RIF1: variants seen among roughly 807,000 people sequenced by gnomAD.
The protein encoded by RIF1 is replication timing regulatory factor 1.
Under a neutral mutation model 247.1 loss-of-function variants are expected in RIF1, and 45 were observed. That is an observed-to-expected ratio of 0.18 (90% CI 0.14 to 0.23). The LOEUF (loss-of-function observed/expected upper bound fraction) is 0.23. RIF1 is among the 10% of genes least tolerant of loss of function. RIF1 has a pLI of 1.00. For missense variants in RIF1, 2,967 were observed against 2,862.5 expected, an observed-to-expected ratio of 1.04 and a Z score of -0.83; for synonymous variants, 1,087 against 978.8, an observed-to-expected ratio of 1.11 and a Z score of -2.06.
downstream of RIF1, chr2:151,485,951 A>G: frequency 6.2e-7 from 1 of 1,612,426 alleles, no homozygotes; most frequent in Middle Eastern, 1.7e-4. Flanking sequence ...TGGGGATGGA[A>G]AAGGGGAAAT....
chr2:151,415,067 G>A (rs1306495441), intron 4 of RIF1, 148 bp downstream of exon 4: 4 of 596,526 alleles, frequency 6.7e-6, no homozygotes, highest in Admixed American at 6.0e-5. Context: ...AGAAAGAATG[G>A]CTGGGTGTGG....
intron 10 of RIF1, chr2:151,498,044 A>G (rs1462497924): frequency 2.1e-6 from 3 of 1,448,350 alleles, no homozygotes; most frequent in African/African-American, 2.9e-5. Flanking sequence ...AAATGGAAAC[A>G]TTCATTATTT....
rs372688855 is a variant in RIF1 at position 151,445,585 on chromosome 2, C to T, written c.2094+140C>T. On this transcript the variant is annotated intron_variant, in intron 19 of 35. Transcript: ENST00000444746. ...TTTTTTTGAGACAGTCTCACATTGT[C>T]GTCCAGGCTTGGAGTACAGTGGTGC... is the stretch of plus-strand genomic sequence containing the variant. The T allele has an allele frequency of 6.3e-5, 40 of 631,606 alleles. No individual in the cohort carries two copies. In the East Asian group the frequency reaches 9.0e-4, roughly 14 times the overall value. The allele number at this position is 631,606 out of a possible 1,614,324, so 39.1% of individuals were successfully genotyped here.
rs1292638307 is a variant in RIF1, at chr2:151,436,949, T to C, written c.1318T>C (p.Leu440=). The part of the protein sequence containing the change: ...LGLEMLLHFL[L]GPEALSFAKQ... ...ACTTGAAATGTTGCTTCATTTCTTG[T>C]TGGGTCCAGAAGCCTTGAGTTTTGC... The change falls in exon 12 of 36, where the codon TTG becomes CTG. Residue 440 remains leucine, a synonymous_variant. Transcript: ENST00000444746. The C allele has an allele frequency of 1.9e-6, 3 of 1,614,190 alleles. No individual in the cohort carries two copies. The highest frequency in any genetic ancestry group is 1.7e-5 in the Admixed American group (1 of 60,020).
intron 3 of RIF1, among the ~76,000 whole-genome samples, chr2:151,412,040 C>G (rs1222372307): frequency 1.3e-5 from 2 of 152,166 alleles, no homozygotes; most frequent in Non-Finnish European, 2.9e-5. Context: ...TTACAATTGT[C>G]TTTGGTCTAA....
chr2:151,450,464 T>C (rs1424980927), intron 20 of RIF1, among the ~76,000 whole-genome samples: 1 of 152,220 alleles, frequency 6.6e-6, no homozygotes, highest in Non-Finnish European at 1.5e-5. Flanking sequence ...TGACTACTGA[T>C]GTTTTCATTG....
At chr2:151,521,826 C>G in the RIF1 span, among the ~76,000 whole-genome samples, 3 of 152,300 alleles carry the variant, frequency 2.0e-5, no homozygotes, top group East Asian at 5.8e-4. Flanking sequence ...CTTTTTACAA[C>G]TACTAATATG....
At chr2:151,494,629 GTTTGTTTTTT>G (rs2058869066) in intron 9 of RIF1, among the ~76,000 whole-genome samples, 1 of 151,874 alleles carries the variant, frequency 6.6e-6, no homozygotes, top group South Asian at 2.1e-4. Context: ...TACATCAGCT[GTTTGTTTTTT>G]TTTGTTTTGT....
At chr2:151,467,542 A>G (rs1236895390) in intron 30 of RIF1, among the ~76,000 whole-genome samples, 1 of 151,980 alleles carries the variant, frequency 6.6e-6, no homozygotes, top group Non-Finnish European at 1.5e-5. Context: ...ATAAGGTTTC[A>G]CCATGTTGGT....
intron 6 of RIF1, among the ~76,000 whole-genome samples, chr2:151,418,814 G>T (rs1226167185): frequency 6.6e-6 from 1 of 152,004 alleles, no homozygotes; most frequent in Non-Finnish European, 1.5e-5. Flanking sequence ...GGCAGAGGTT[G>T]CAGTGAGCTG....
the RIF1 span, chr2:151,519,144 TAGCCC>T: frequency 3.3e-6 from 3 of 903,134 alleles, no homozygotes; most frequent in African/African-American, 1.8e-5. Flanking sequence ...CAAAGTGAGA[TAGCCC>T]ATCGTCAAAC....
rs745420565 is a variant in RIF1, at chr2:151,411,289, T to C, written c.134T>C (p.Val45Ala). 1 of 1,605,686 alleles carries C rather than the reference T, an allele frequency of 6.2e-7. No homozygotes were observed. Among genetic ancestry groups the C allele is most frequent in the East Asian group, 2.2e-5 (1 of 44,772 alleles). ...SRMTGEEGKE[V>A]ITEIEKKLPR... The stretch of plus-strand genomic sequence containing the variant: ...ATGACTGGAGAAGAAGGAAAAGAAG[T>C]AATTACAGAAATTGAGAAAAAACTT... The change falls in exon 3 of 36, where the codon GTA (valine) becomes GCA (alanine). Residue 45 changes from valine (V) to alanine (A), a missense_variant. Around this residue, in one of 7 missense-constraint regions of RIF1, gnomAD observed 269 missense variants for 288.6 expected, o/e 0.93. Transcript: ENST00000444746.
At chr2:151,470,023 G>GT (rs899418369) in intron 34 of RIF1, among the ~76,000 whole-genome samples, 159 bp downstream of exon 34, 7 of 151,964 alleles carry the variant, frequency 4.6e-5, no homozygotes, top group African/African-American at 9.7e-5. Context: ...TTTTTAAATT[G>GT]TTTTTTCATT....
chr2:151,420,919 C>T (rs1233596859), intron 7 of RIF1, among the ~76,000 whole-genome samples: 2 of 152,048 alleles, frequency 1.3e-5, no homozygotes, highest in African/African-American at 2.4e-5. Context: ...ACTTCATTCC[C>T]AATAAATAGG....
chr2:151,486,176 CA>C, downstream of RIF1: 1 of 447,138 alleles, frequency 2.2e-6, no homozygotes, highest in Non-Finnish European at 4.0e-6. Flanking sequence ...CTTCCCCCAC[CA>C]AAAGAGGCAA....
chr2:151,415,368 A>G lies in RIF1; in HGVS notation c.280+449A>G, dbSNP rs143961421. ...CTCAAAAAAAAAAAAGAATGTTTAG[A>G]TTATCATTACCTACACATAGCTCTA... On this transcript the variant is annotated intron_variant, in intron 4 of 35. Coordinates refer to ENST00000444746, the MANE Select transcript of RIF1 (RefSeq NM_018151.5). 2.1e-3 allele frequency among the ~76,000 whole-genome samples: 318 copies of G among 150,796 alleles called. 2 individuals are homozygous for G. Among genetic ancestry groups the G allele is most frequent in the Non-Finnish European group, 1.8e-3 (120 of 67,806 alleles).
intron 9 of RIF1, chr2:151,493,625 G>T (rs557748180): frequency 1.4e-6 from 1 of 739,036 alleles, no homozygotes. Flanking sequence ...CTGTGACCTC[G>T]TGGGGTTGGT....
chr2:151,496,172 A>G, intron 10 of RIF1: 6 of 1,300,024 alleles, frequency 4.6e-6, no homozygotes, highest in Non-Finnish European at 6.4e-6. Flanking sequence ...AAATTTCACA[A>G]AATTTAAGTT....
Position 151,461,262 on chromosome 2 carries a change from A to G in RIF1, c.3200A>G (p.His1067Arg), listed in dbSNP as rs1696108671. 1.9e-6 allele frequency: 3 copies of G among 1,612,820 alleles called. No homozygotes were observed. Among genetic ancestry groups the G allele is most frequent in the East Asian group, 2.2e-5 (1 of 44,808 alleles). The change falls in exon 27 of 36, where the codon CAT becomes CGT. Residue 1067 changes from histidine (H) to arginine (R), a missense_variant. Physicochemically the swap from His to Arg is conservative, Grantham distance 29. Around this residue, in one of 7 missense-constraint regions of RIF1, gnomAD observed 2,028 missense variants for 1,825.6 expected, o/e 1.11. Transcript: ENST00000444746. ...GCAAAGGAAAGAATATTAACTGATCATCAAAAAGAAGTTCTCAAAACAAAG... is the reference window on the plus strand; with the variant it reads ...GCAAAGGAAAGAATATTAACTGATCGTCAAAAAGAAGTTCTCAAAACAAAG... ...KDAKERILTD[H>R]QKEVLKTKRC...
Sources: allele counts gnomAD v4.1 joint callset (sites outside exome capture counted in the v4.1 genomes callset), GRCh38; gene constraint gnomAD v4.1.1; regional missense constraint gnomAD v4.1.1; transcripts MANE v1.5; gene names NCBI Gene and HGNC (gene_info 2026-07-23, HGNC 2026-07-21).